Variants in WDFY3 observed in about 807,000 individuals in gnomAD.
WDFY3 encodes WD repeat and FYVE domain-containing protein 3.
A neutral mutation model predicts 409.6 loss-of-function variants in WDFY3; 66 were observed. The observed-to-expected ratio is 0.16, with a 90% CI of 0.13 to 0.20. The LOEUF is 0.20. WDFY3 is among the 10% of genes least tolerant of loss of function. WDFY3 has a pLI of 1.00. For synonymous variants in WDFY3, 1,521 were observed against 1,537.1 expected (o/e 0.99, Z 0.25); for missense variants, 3,031 against 4,298.1 (o/e 0.71, Z 8.24).
intron 1 of WDFY3, among the ~76,000 whole-genome samples, chr4:84,952,743 CA>C (rs765563963): frequency 1.2e-3 from 162 of 140,584 alleles, no homozygotes; most frequent in East Asian, 1.4e-3. Flanking sequence ...TCATCTTGAC[CA>C]AAAAAAAAAA....
At chr4:84,758,962 T>A (rs1337401689) in intron 32 of WDFY3, among the ~76,000 whole-genome samples, 2 of 152,198 alleles carry the variant, frequency 1.3e-5, no homozygotes, top group Admixed American at 6.5e-5. Flanking sequence ...CTTTAATCCA[T>A]CTTGAATTGA....
At chr4:84,878,924 T>A (rs1347000708) in intron 3 of WDFY3, among the ~76,000 whole-genome samples, 2 of 152,184 alleles carry the variant, frequency 1.3e-5, no homozygotes, top group African/African-American at 4.8e-5. Flanking sequence ...GAAATTTAAT[T>A]CCTTAAGTGT....
chr4:84,918,838 T>TATATAC (rs1554016965), intron 2 of WDFY3, among the ~76,000 whole-genome samples: 7 of 149,910 alleles, frequency 4.7e-5, no homozygotes, highest in East Asian at 3.9e-4. Flanking sequence ...GATATATATA[T>TATATAC]ACACACACAC....
chr4:84,852,523 T>C (rs1045894348), intron 4 of WDFY3, among the ~76,000 whole-genome samples: 3 of 152,218 alleles, frequency 2.0e-5, no homozygotes, highest in African/African-American at 7.2e-5. Flanking sequence ...TCAAATTAAG[T>C]TGAAAATGCT....
intron 1 of WDFY3, among the ~76,000 whole-genome samples, chr4:84,942,338 A>T (rs1203901721): frequency 1.3e-5 from 2 of 151,110 alleles, no homozygotes; most frequent in African/African-American, 2.4e-5. Context: ...TTTAAACAAT[A>T]AAAAAAAAGC....
Position 84,835,573 on chromosome 4 carries a change from C to G in WDFY3, c.576+1356G>C, listed in dbSNP as rs931937614. 2.0e-5 allele frequency among the ~76,000 whole-genome samples: 3 copies of G among 152,292 alleles called. No homozygotes were observed. In the East Asian group the frequency reaches 5.8e-4, roughly 29 times the overall value. On this transcript the variant is annotated intron_variant, in intron 7 of 67. Coordinates refer to ENST00000295888, the MANE Select transcript of WDFY3 (RefSeq NM_014991.6). ...AAAAGTGTCTAACAGATCAAGTGTT[C>G]AATAAACATACTGATTTAGTATTTT...
intron 24 of WDFY3, among the ~76,000 whole-genome samples, chr4:84,785,393 C>A (rs377712638): frequency 2.0e-5 from 3 of 152,226 alleles, no homozygotes; most frequent in East Asian, 3.9e-4. Flanking sequence ...GTTACCTCAT[C>A]CCTGTCAAGT....
At chr4:84,906,679 A>C (rs1005999325) in intron 2 of WDFY3, among the ~76,000 whole-genome samples, 1 of 152,122 alleles carries the variant, frequency 6.6e-6, no homozygotes, top group Non-Finnish European at 1.5e-5. Context: ...TGCTTGTACA[A>C]CCTATGGCTC....
Position 84,690,679 on chromosome 4 carries a change from G to C in WDFY3, c.9205-15C>G. 6.2e-7 allele frequency: 1 copy of C among 1,601,798 alleles called. No individual in the cohort carries two copies. ...ACAGTCATGGCCTATAAAGTAAAACGGATGTGAGACACACATGCCGTTAAG... is the reference window on the plus strand; with the variant it reads ...ACAGTCATGGCCTATAAAGTAAAACCGATGTGAGACACACATGCCGTTAAG... On this transcript the variant is annotated splice_polypyrimidine_tract_variant and intron_variant, in intron 60 of 67. Transcript: ENST00000295888.
intron 13 of WDFY3, among the ~76,000 whole-genome samples, chr4:84,813,800 CA>C (rs1392182236): frequency 1.3e-5 from 2 of 152,232 alleles, no homozygotes; most frequent in African/African-American, 4.8e-5. Context: ...GCAACCTTAG[CA>C]TCTTTTGAAG....
At chr4:84,682,557 G>T in intron 63 of WDFY3, 87 bp from the exon 64 acceptor site, 1 of 1,032,650 alleles carries the variant, frequency 9.7e-7, no homozygotes, top group Non-Finnish European at 1.5e-6. Context: ...AGACTGTCAG[G>T]GTTAACAGAT....
At chr4:84,902,307 A>G (rs1766447207) in intron 2 of WDFY3, among the ~76,000 whole-genome samples, 1 of 152,238 alleles carries the variant, frequency 6.6e-6, no homozygotes, top group Non-Finnish European at 1.5e-5. Context: ...ACAGAAAACA[A>G]GAGGTAGAAT....
At chr4:84,848,008 T>C (rs549913630) in intron 5 of WDFY3, among the ~76,000 whole-genome samples, 68 of 149,448 alleles carry the variant, frequency 4.6e-4, no homozygotes, top group Admixed American at 2.8e-3. Context: ...AACACAAAGA[T>C]AGAAAATGAG....
intron 4 of WDFY3, among the ~76,000 whole-genome samples, chr4:84,859,708 TG>T (rs1760303198): frequency 6.6e-6 from 1 of 152,142 alleles, no homozygotes; most frequent in African/African-American, 2.4e-5. Context: ...CCCGAATAGC[TG>T]GGATTACAGG....
At chr4:84,886,582 C>T (rs146043905) in intron 3 of WDFY3, 429 of 151,642 alleles carry the variant, frequency 2.8e-3, no homozygotes, top group African/African-American at 9.9e-3. Flanking sequence ...AAAAAAAATT[C>T]CTTAAAATAA....
At chr4:84,786,866 T>C (rs1465551780) in intron 23 of WDFY3, among the ~76,000 whole-genome samples, 1 of 152,192 alleles carries the variant, frequency 6.6e-6, no homozygotes, top group East Asian at 1.9e-4. Context: ...GATAAATTAC[T>C]AAATCTTAGG....
Position 84,755,400 on chromosome 4 carries a change from A to C in WDFY3, c.5425T>G (p.Phe1809Val). ...ISCRSKQGCQ[F>V]DLDSIWTFIF... ...AATGTCCAAATGGAATCCAAATCAA[A>C]CTGCAGAGGTGAAAGGGAGCAAATA... Residue 1809 changes from phenylalanine to valine, a missense_variant and splice_region_variant, in exon 34 of 68, where the codon TTT becomes GTT. Around this residue, in one of 16 missense-constraint regions of WDFY3, gnomAD observed 342 missense variants for 463.7 expected, o/e 0.74. Transcript: ENST00000295888. The C allele has an allele frequency of 6.2e-7, 1 of 1,605,594 alleles. No individual in the cohort carries two copies. The highest frequency in any genetic ancestry group is 1.1e-5 in the South Asian group (1 of 89,170).
intron 26 of WDFY3, among the ~76,000 whole-genome samples, chr4:84,778,940 T>G (rs955238054): frequency 2.0e-5 from 3 of 152,198 alleles, no homozygotes; most frequent in Non-Finnish European, 4.4e-5. Context: ...AATATGTAAA[T>G]AGTTACCAAC....
intron 1 of WDFY3, among the ~76,000 whole-genome samples, chr4:84,938,047 G>A (rs1486496375): frequency 6.6e-6 from 1 of 152,086 alleles, no homozygotes; most frequent in Non-Finnish European, 1.5e-5. Flanking sequence ...TATAAGCACT[G>A]CGATACTCTG....
Sources: gnomAD v4.1 joint callset for allele counts (sites outside exome capture counted in the v4.1 genomes callset) on GRCh38, gnomAD v4.1.1 for gene constraint, gnomAD v4.1.1 regional missense constraint, MANE v1.5 for transcripts, NCBI Gene and HGNC (gene_info 2026-07-23, HGNC 2026-07-21) for gene names.